The following CATSPERB variants were observed in gnomAD, a reference collection of about 807,000 sequenced individuals.
CATSPERB encodes the protein catsper channel auxiliary subunit beta, also known as cation channel sperm-associated auxiliary subunit beta.
CATSPERB carries 93 observed loss-of-function variants against 128.3 expected under a neutral mutation model. The observed-to-expected ratio is 0.72, with a 90% CI of 0.61 to 0.86. The LOEUF (loss-of-function observed/expected upper bound fraction) is 0.86. Ranked by LOEUF, CATSPERB falls within the 40% of genes least tolerant of loss-of-function variation. The probability of loss-of-function intolerance (pLI) is 0.00; values close to 1 mark genes in which losing one functional copy is unlikely to be tolerated. For synonymous variants in CATSPERB, 381 were observed against 448.8 expected, an observed-to-expected ratio of 0.85 and a Z score of 1.91; for missense variants, 1,153 against 1,329.5, an observed-to-expected ratio of 0.87 and a Z score of 2.06.
Position 91,656,021 on chromosome 14 carries a change from C to T in CATSPERB, c.1432+3816G>A, listed in dbSNP as rs564681656. ...GGCTTTTCAGTGTAAACCTTACAGG[C>T]CAGGAAAAAGTGGCATGACGTATAT... On this transcript the variant is annotated intron_variant, in intron 15 of 26. Transcript: ENST00000256343. 7.9e-5 allele frequency among the ~76,000 whole-genome samples: 12 copies of T among 152,100 alleles called. No individual in the cohort carries two copies. In the South Asian group the frequency reaches 1.0e-3, roughly 13 times the overall value.
At chr14:91,604,177 T>C (rs1167528657) in intron 22 of CATSPERB, among the ~76,000 whole-genome samples, 1 of 152,066 alleles carries the variant, frequency 6.6e-6, no homozygotes, top group Non-Finnish European at 1.5e-5. Flanking sequence ...TACAGGCACA[T>C]GCCTGTCTTT....
intron 15 of CATSPERB, among the ~76,000 whole-genome samples, chr14:91,654,721 C>T (rs992104998): frequency 2.0e-5 from 3 of 152,126 alleles, no homozygotes; most frequent in African/African-American, 7.2e-5. Flanking sequence ...GGACTCATCA[C>T]CTGCTGATTA....
intron 17 of CATSPERB, among the ~76,000 whole-genome samples, chr14:91,634,570 C>T (rs1044645438): frequency 2.0e-5 from 3 of 150,494 alleles, no homozygotes; most frequent in African/African-American, 4.9e-5. Flanking sequence ...AATACATATG[C>T]TTATTGTAGC....
At position 91,639,190 on chromosome 14, in the gene CATSPERB, T is replaced by C; in HGVS notation, c.1493A>G (p.Asp498Gly). ...VTERIFTLYY[D>G]HLGFLHKLTL... ...CAGCTTATGTAGGAATCCCAAGTGA[T>C]CATAGTATAATGTGAAAATTCTCTC... Residue 498 changes from aspartate (D) to glycine (G), a missense_variant, in exon 16 of 27, where the codon GAT (aspartate) becomes GGT (glycine). Transcript: ENST00000256343. 6.2e-7 allele frequency: 1 copy of C among 1,613,956 alleles called. No homozygotes were observed. Among genetic ancestry groups the C allele is most frequent in the South Asian group, 1.1e-5 (1 of 91,072 alleles).
chr14:91,616,206 A>G (rs1214510680), intron 20 of CATSPERB, among the ~76,000 whole-genome samples: 4 of 152,060 alleles, frequency 2.6e-5, no homozygotes, highest in Non-Finnish European at 5.9e-5. Flanking sequence ...TAATGACTCT[A>G]CTAATTTACA....
intron 15 of CATSPERB, among the ~76,000 whole-genome samples, chr14:91,654,917 C>T (rs1358790719): frequency 6.6e-6 from 1 of 152,056 alleles, no homozygotes; most frequent in Non-Finnish European, 1.5e-5. Context: ...GAAAGAGACA[C>T]TATTTGTTTG....
At chr14:91,684,876 C>A (rs1372189222) in intron 10 of CATSPERB, among the ~76,000 whole-genome samples, 1 of 152,008 alleles carries the variant, frequency 6.6e-6, no homozygotes, top group Admixed American at 6.6e-5. Flanking sequence ...CTCGGCCTCC[C>A]AAAGTGCTGG....
At chr14:91,701,910 C>CA (rs68037916) in intron 7 of CATSPERB, among the ~76,000 whole-genome samples, 42 of 138,486 alleles carry the variant, frequency 3.0e-4, no homozygotes, top group Middle Eastern at 3.7e-3. Context: ...GACCCTGTCT[C>CA]AAAAAAAAAA....
chr14:91,638,535 C>G (rs1286113025), intron 16 of CATSPERB, among the ~76,000 whole-genome samples: 1 of 152,140 alleles, frequency 6.6e-6, no homozygotes, highest in Non-Finnish European at 1.5e-5. Context: ...ATCCTCCTGC[C>G]TCAGCCTCCC....
chr14:91,630,180 C>A (rs537075104), intron 17 of CATSPERB, among the ~76,000 whole-genome samples: 56 of 152,330 alleles, frequency 3.7e-4, no homozygotes, highest in African/African-American at 1.3e-3. Context: ...TCTAAACACC[C>A]TCTTCTCTTG....
chr14:91,612,852 A>T (rs920558276), intron 20 of CATSPERB, among the ~76,000 whole-genome samples: 3 of 152,182 alleles, frequency 2.0e-5, no homozygotes, highest in African/African-American at 7.2e-5. Flanking sequence ...CAAACAGAAA[A>T]ATCTGGAATG....
chr14:91,657,272 A>G (rs933599207), intron 15 of CATSPERB, among the ~76,000 whole-genome samples: 1 of 152,264 alleles, frequency 6.6e-6, no homozygotes, highest in South Asian at 2.1e-4. Context: ...TAAATAGAAC[A>G]TATGTTAGGC....
At chr14:91,718,779 T>G (rs1895982773) in intron 5 of CATSPERB, among the ~76,000 whole-genome samples, 1 of 152,244 alleles carries the variant, frequency 6.6e-6, no homozygotes, top group African/African-American at 2.4e-5. Flanking sequence ...TTTTTGTCTT[T>G]GGGTTCCATG....
At chr14:91,717,362 C>T (rs942395565) in intron 5 of CATSPERB, among the ~76,000 whole-genome samples, 1 of 152,064 alleles carries the variant, frequency 6.6e-6, no homozygotes, top group Admixed American at 6.5e-5. Context: ...GCAAATTATA[C>T]CTTATTTTAA....
At chr14:91,704,870 AG>A (rs1472862777) in intron 6 of CATSPERB, among the ~76,000 whole-genome samples, 169 bp from the exon 7 acceptor site, 1 of 152,236 alleles carries the variant, frequency 6.6e-6, no homozygotes, top group Non-Finnish European at 1.5e-5. Flanking sequence ...ACTATTTTCC[AG>A]GATATAAGGA....
At chr14:91,687,410 G>A (rs560104992) in intron 10 of CATSPERB, among the ~76,000 whole-genome samples, 3 of 152,152 alleles carry the variant, frequency 2.0e-5, no homozygotes, top group African/African-American at 7.2e-5. Flanking sequence ...TCAGTGAATC[G>A]AATTAGTCCT....
intron 3 of CATSPERB, among the ~76,000 whole-genome samples, chr14:91,724,053 A>G (rs1896079167): frequency 6.6e-6 from 1 of 152,228 alleles, no homozygotes; most frequent in Non-Finnish European, 1.5e-5. Context: ...AGAAGATTAA[A>G]TGTATAGATT....
At chr14:91,677,476 A>G (rs1317132418) in intron 11 of CATSPERB, among the ~76,000 whole-genome samples, 3 of 152,260 alleles carry the variant, frequency 2.0e-5, no homozygotes, top group South Asian at 2.1e-4. Flanking sequence ...ATCACTAATC[A>G]TTAAAGAAAT....
intron 5 of CATSPERB, among the ~76,000 whole-genome samples, chr14:91,711,804 T>C (rs925674765): frequency 1.3e-5 from 2 of 152,200 alleles, no homozygotes; most frequent in Non-Finnish European, 2.9e-5. Flanking sequence ...CAAGAGTACA[T>C]GGGGCATCTA....
Sources: gnomAD v4.1 joint callset for allele counts (sites outside exome capture counted in the v4.1 genomes callset) on GRCh38, gnomAD v4.1.1 for gene constraint, MANE v1.5 for transcripts, NCBI Gene and HGNC (gene_info 2026-07-23, HGNC 2026-07-21) for gene names.